LRRTM4: variants seen among roughly 807,000 people sequenced by gnomAD.
The protein encoded by LRRTM4 is leucine rich repeat transmembrane neuronal 4.
Under a neutral mutation model 47.6 loss-of-function variants are expected in LRRTM4, and 25 were observed. The ratio of observed to expected loss-of-function variants is 0.53; its 90% CI spans 0.38 to 0.73. The LOEUF (loss-of-function observed/expected upper bound fraction) is 0.73. Among genes scored for constraint, LRRTM4 ranks in the 30% least tolerant of loss-of-function variants. The probability of loss-of-function intolerance (pLI) is 0.00; values close to 1 mark genes in which losing one functional copy is unlikely to be tolerated. For missense variants in LRRTM4, 638 were observed against 713.4 expected, an observed-to-expected ratio of 0.89 and a Z score of 1.20; for synonymous variants, 311 against 269.5, an observed-to-expected ratio of 1.15 and a Z score of -1.51.
In LRRTM4 at chr2:76,940,872, TTC is replaced by T. The variant is rs575316513; in HGVS notation, c.1552-191958_1552-191957del. Among the ~76,000 whole-genome samples, 219 of 152,294 alleles carry T rather than the reference TTC, an allele frequency of 1.4e-3. 1 individual carries two copies. Among genetic ancestry groups the T allele is most frequent in the African/African-American group, 5.1e-3 (210 of 41,566 alleles). On this transcript the variant is annotated intron_variant, in intron 3 of 3. Coordinates refer to ENST00000409884, the MANE Select transcript of LRRTM4 (RefSeq NM_001134745.3). ...AATCACTCTCTCAGGATTGTTTTTC[TTC>T]TCTCTCTTTTCTTTGTTTTGTTGAC...
At chr2:77,460,549 A>T (rs1295174090) in intron 3 of LRRTM4, among the ~76,000 whole-genome samples, 1 of 152,162 alleles carries the variant, frequency 6.6e-6, no homozygotes, top group Non-Finnish European at 1.5e-5. Flanking sequence ...ATTCCTGACA[A>T]CCATAAAAAA....
chr2:77,422,821 T>C (rs1674954807), intron 3 of LRRTM4, among the ~76,000 whole-genome samples: 1 of 152,128 alleles, frequency 6.6e-6, no homozygotes, highest in African/African-American at 2.4e-5. Flanking sequence ...TATAGGAATA[T>C]ATGTGAAACA....
chr2:77,043,632 A>G (rs1679113775), intron 3 of LRRTM4, among the ~76,000 whole-genome samples: 1 of 151,816 alleles, frequency 6.6e-6, no homozygotes, highest in East Asian at 1.9e-4. Context: ...CAAAAGGTAT[A>G]ATATGGGAAC....
intron 3 of LRRTM4, among the ~76,000 whole-genome samples, chr2:77,429,057 C>A (rs1558739379): frequency 2.0e-5 from 3 of 152,010 alleles, no homozygotes; most frequent in Non-Finnish European, 4.4e-5. Flanking sequence ...TTATAAATAA[C>A]CTAAAAGTGG....
intron 3 of LRRTM4, among the ~76,000 whole-genome samples, chr2:76,781,521 G>T (rs1408681317): frequency 2.0e-5 from 3 of 152,040 alleles, no homozygotes; most frequent in Admixed American, 6.5e-5. Flanking sequence ...GATTTTCCAG[G>T]TGCGGTGCAT....
intron 3 of LRRTM4, among the ~76,000 whole-genome samples, chr2:77,174,427 C>T (rs570877537): frequency 4.4e-4 from 67 of 152,290 alleles, no homozygotes; most frequent in African/African-American, 1.5e-3. Context: ...TTTGAGACAG[C>T]ACAGGTGTAT....
At chr2:77,011,550 T>C (rs1290557105) in intron 3 of LRRTM4, among the ~76,000 whole-genome samples, 53 of 150,392 alleles carry the variant, frequency 3.5e-4, no homozygotes, top group South Asian at 6.3e-4. Context: ...TGTGTGTGTG[T>C]GTGTGTGTGT....
chr2:77,236,672 C>A (rs1573119873), intron 3 of LRRTM4, among the ~76,000 whole-genome samples: 1 of 151,884 alleles, frequency 6.6e-6, no homozygotes, highest in Admixed American at 6.6e-5. Context: ...TCATAGATGG[C>A]TCTTATTATT....
chr2:77,065,202 C>T (rs1215696018), intron 3 of LRRTM4, among the ~76,000 whole-genome samples: 1 of 152,082 alleles, frequency 6.6e-6, no homozygotes, highest in Non-Finnish European at 1.5e-5. Context: ...AACTAATTTG[C>T]CTGTTGCTAA....
At chr2:77,490,138 T>A (rs1412955071) in intron 3 of LRRTM4, among the ~76,000 whole-genome samples, 4 of 151,928 alleles carry the variant, frequency 2.6e-5, no homozygotes, top group Admixed American at 2.6e-4. Flanking sequence ...TAATTCCAGC[T>A]ACTCAGGAGG....
At chr2:76,851,726 T>C (rs1430613564) in intron 3 of LRRTM4, among the ~76,000 whole-genome samples, 2 of 151,410 alleles carry the variant, frequency 1.3e-5, no homozygotes, top group East Asian at 3.9e-4. Context: ...CTAAGGAAAC[T>C]TGCATGCTTA....
chr2:77,022,668 A>G (rs1678315167), intron 3 of LRRTM4, among the ~76,000 whole-genome samples: 1 of 152,198 alleles, frequency 6.6e-6, no homozygotes, highest in South Asian at 2.1e-4. Flanking sequence ...ATCAAATATT[A>G]AAGGTCCAAA....
intron 3 of LRRTM4, among the ~76,000 whole-genome samples, chr2:77,053,835 G>C (rs1347514986): frequency 6.6e-6 from 1 of 152,124 alleles, no homozygotes; most frequent in Admixed American, 6.6e-5. Context: ...ATATGTTTGT[G>C]AAATATAGGT....
chr2:77,052,730 G>T (rs755349486), intron 3 of LRRTM4, among the ~76,000 whole-genome samples: 3 of 148,620 alleles, frequency 2.0e-5, no homozygotes, highest in African/African-American at 5.2e-5. Context: ...GGGTGTGTGT[G>T]TGTGTGCAAG....
At position 77,318,034 on chromosome 2, in the gene LRRTM4, T is replaced by A. The variant is rs1295861556; in HGVS notation, c.1551+200284A>T. 1.0e-4 allele frequency among the ~76,000 whole-genome samples: 14 copies of A among 136,300 alleles called. No homozygotes were observed. In the Admixed American group the frequency reaches 1.1e-3, roughly 11 times the overall value. The allele number at this position is 136,300 out of a possible 152,430, so 89.4% of individuals were successfully genotyped here. On this transcript the variant is annotated intron_variant, in intron 3 of 3. Coordinates refer to ENST00000409884, the MANE Select transcript of LRRTM4 (RefSeq NM_001134745.3). The stretch of plus-strand genomic sequence containing the variant: ...TTTTTTTTTTTTTTTTTAGACGGAG[T>A]CTCGCTCTGTCGCCCAGGCTGGAGT...
At chr2:77,335,810 T>C (rs1484652716) in intron 3 of LRRTM4, among the ~76,000 whole-genome samples, 1 of 152,160 alleles carries the variant, frequency 6.6e-6, no homozygotes, top group Non-Finnish European at 1.5e-5. Flanking sequence ...TTAGGCTCAT[T>C]CTTATAATTT....
intron 3 of LRRTM4, among the ~76,000 whole-genome samples, chr2:77,194,226 G>A (rs1673754097): frequency 1.3e-5 from 2 of 152,088 alleles, no homozygotes; most frequent in Admixed American, 6.6e-5. Context: ...AGAAAACTGG[G>A]TCTTTGATGA....
intron 3 of LRRTM4, among the ~76,000 whole-genome samples, chr2:77,285,085 A>C (rs1275810367): frequency 6.6e-6 from 1 of 151,866 alleles, no homozygotes; most frequent in Non-Finnish European, 1.5e-5. Flanking sequence ...AAATGATATA[A>C]ACCTCTGATA....
At chr2:77,342,016 A>G (rs1182474054) in intron 3 of LRRTM4, among the ~76,000 whole-genome samples, 1 of 151,964 alleles carries the variant, frequency 6.6e-6, no homozygotes, top group Non-Finnish European at 1.5e-5. Context: ...AGACTTAAAA[A>G]CATTTAAGTT....
Sources: allele counts gnomAD v4.1 joint callset (sites outside exome capture counted in the v4.1 genomes callset), GRCh38; gene constraint gnomAD v4.1.1; transcripts MANE v1.5; gene names NCBI Gene and HGNC (gene_info 2026-07-23, HGNC 2026-07-21).